RPTOR: variants seen among roughly 807,000 people sequenced by gnomAD.
RPTOR encodes regulatory associated protein of MTOR complex 1, also known as regulatory-associated protein of mTOR.
Under a neutral mutation model 169.9 loss-of-function variants are expected in RPTOR, and 21 were observed. That is an observed-to-expected ratio of 0.12 (90% CI 0.09 to 0.18). The LOEUF is 0.18. Ranked by LOEUF, RPTOR falls within the 10% of genes least tolerant of loss-of-function variation. The probability of loss-of-function intolerance (pLI) is 1.00; values close to 1 mark genes in which losing one functional copy is unlikely to be tolerated. For synonymous variants in RPTOR, 732 were observed against 753.2 expected, an observed-to-expected ratio of 0.97 and a Z score of 0.46; for missense variants, 1,133 against 1,855.9, an observed-to-expected ratio of 0.61 and a Z score of 7.16.
At chr17:80,594,183 T>C (rs2065127931) in intron 1 of RPTOR, among the ~76,000 whole-genome samples, 1 of 152,128 alleles carries the variant, frequency 6.6e-6, no homozygotes, top group Admixed American at 6.5e-5. Flanking sequence ...AACCTCTGCC[T>C]CCTGGGTTCA....
intron 25 of RPTOR, among the ~76,000 whole-genome samples, chr17:80,942,307 G>T (rs529934334): frequency 6.6e-6 from 1 of 151,316 alleles, no homozygotes; most frequent in Non-Finnish European, 1.5e-5. Flanking sequence ...AGATGAGCTG[G>T]CCCCTGATGG....
At chr17:80,579,958 T>TGCTTTGCTTCTGTATTTAGAAAG (rs1389434032) in intron 1 of RPTOR, among the ~76,000 whole-genome samples, 3 of 152,222 alleles carry the variant, frequency 2.0e-5, no homozygotes, top group Non-Finnish European at 4.4e-5. Context: ...TATCATGGGC[T>TGCTTTGCTTCTGTATTTAGAAAG]GCTTTGCTTC....
chr17:80,825,285 C>T (rs1458773240), intron 9 of RPTOR, among the ~76,000 whole-genome samples: 1 of 151,828 alleles, frequency 6.6e-6, no homozygotes, highest in Non-Finnish European at 1.5e-5. Flanking sequence ...CATCCCACCT[C>T]TCCCTCCAGA....
chr17:80,772,920 A>G (rs1598294987), intron 6 of RPTOR, among the ~76,000 whole-genome samples: 1 of 152,312 alleles, frequency 6.6e-6, no homozygotes, highest in African/African-American at 2.4e-5. Context: ...GGGCAGAGCC[A>G]GGGCTACGAT....
intron 5 of RPTOR, among the ~76,000 whole-genome samples, chr17:80,743,708 C>T (rs2066509777): frequency 9.2e-6 from 1 of 108,528 alleles, no homozygotes; most frequent in African/African-American, 2.7e-5. Flanking sequence ...TGGCTACTAG[C>T]ACTGTCCTGG....
chr17:80,892,878 C>T lies in RPTOR; in HGVS notation c.2242+9C>T, dbSNP rs757536306. 1.4e-5 allele frequency: 22 copies of T among 1,612,792 alleles called. No homozygotes were observed. The highest frequency in any genetic ancestry group is 1.3e-4 in the Admixed American group (8 of 59,892). On this transcript the variant is annotated intron_variant, in intron 19 of 33. Coordinates refer to ENST00000306801, the MANE Select transcript of RPTOR (RefSeq NM_020761.3). ...GAGTTTGACAGAGGAATGTAAGATC[C>T]TGGAAATCGGGTTATTGGATTGGGA... is the stretch of plus-strand genomic sequence containing the variant.
At chr17:80,898,024 T>C (rs563946107) in intron 20 of RPTOR, among the ~76,000 whole-genome samples, 129 of 152,312 alleles carry the variant, frequency 8.5e-4, no homozygotes, top group African/African-American at 2.9e-3. Context: ...ACAAAGATGA[T>C]GTGTTCTTTC....
chr17:80,752,514 G>C (rs544730646), intron 5 of RPTOR, among the ~76,000 whole-genome samples: 114 of 152,336 alleles, frequency 7.5e-4, no homozygotes, highest in African/African-American at 2.7e-3. Flanking sequence ...AATCCCTCAT[G>C]TGTTATACTT....
chr17:80,886,273 T>A (rs1278890261), intron 17 of RPTOR, among the ~76,000 whole-genome samples: 1 of 152,216 alleles, frequency 6.6e-6, no homozygotes, highest in South Asian at 2.1e-4. Flanking sequence ...GTGTGGAAAG[T>A]CACGTTCTAT....
chr17:80,795,905 G>A (rs1482299238), intron 7 of RPTOR, among the ~76,000 whole-genome samples: 3 of 152,202 alleles, frequency 2.0e-5, no homozygotes, highest in Non-Finnish European at 2.9e-5. Context: ...ACTTCCCAGA[G>A]CTGCAGCTTG....
intron 17 of RPTOR, among the ~76,000 whole-genome samples, chr17:80,891,187 T>C (rs2068318197): frequency 6.6e-6 from 1 of 152,246 alleles, no homozygotes; most frequent in African/African-American, 2.4e-5. Flanking sequence ...GATGTTTTAG[T>C]TCTACAACTT....
At chr17:80,650,770 C>T (rs538595361) in intron 3 of RPTOR, among the ~76,000 whole-genome samples, 1 of 152,224 alleles carries the variant, frequency 6.6e-6, no homozygotes, top group East Asian at 1.9e-4. Flanking sequence ...TGGTGGAGGC[C>T]CCTCCCAGAA....
intron 2 of RPTOR, among the ~76,000 whole-genome samples, chr17:80,634,502 GCA>G (rs2065478492): frequency 7.1e-6 from 1 of 140,994 alleles, no homozygotes; most frequent in African/African-American, 2.7e-5. Context: ...CTGTGTGTGT[GCA>G]TACTGTGTGT....
intron 3 of RPTOR, among the ~76,000 whole-genome samples, chr17:80,681,238 A>G (rs2065895508): frequency 6.6e-6 from 1 of 152,152 alleles, no homozygotes. Context: ...TTTTTTATTC[A>G]GATCGATAAC....
intron 6 of RPTOR, among the ~76,000 whole-genome samples, chr17:80,790,338 A>G (rs554617171): frequency 7.2e-5 from 11 of 152,314 alleles, no homozygotes; most frequent in African/African-American, 2.6e-4. Flanking sequence ...TGAGCCAGGT[A>G]TCACTTCTTG....
Position 80,947,640 on chromosome 17 carries a change from A to G in RPTOR, c.3265+289A>G, listed in dbSNP as rs1301886672. On this transcript the variant is annotated intron_variant, in intron 27 of 33. Transcript: ENST00000306801. The surrounding 1 kb of genome is among the most constrained non-coding windows in gnomAD (Gnocchi z 4.4). Reference sequence around the variant, plus strand: ...AAGCCTCTGACAGCCTCTGTCCTTAAACCCCTGTGAGAGACCCGGTGGGTC... The same window carrying G: ...AAGCCTCTGACAGCCTCTGTCCTTAGACCCCTGTGAGAGACCCGGTGGGTC... 6.6e-6 allele frequency among the ~76,000 whole-genome samples: 1 copy of G among 152,064 alleles called. No individual in the cohort carries two copies. Among genetic ancestry groups the G allele is most frequent in the Non-Finnish European group, 1.5e-5 (1 of 68,006 alleles).
chr17:80,929,964 G>C (rs997143302), intron 24 of RPTOR, among the ~76,000 whole-genome samples: 1 of 151,932 alleles, frequency 6.6e-6, no homozygotes, highest in Admixed American at 6.6e-5. Context: ...AAGTCCCCTC[G>C]TGCCACCCTC....
chr17:80,684,404 GTTTATTTA>G (rs55921146), intron 3 of RPTOR, among the ~76,000 whole-genome samples: 51,548 of 136,296 alleles, frequency 0.38, 10,487 homozygotes, highest in East Asian at 0.55. Flanking sequence ...GGAGATACAT[GTTTATTTA>G]TTTATTTATT....
chr17:80,805,180 C>T (rs2067206150), intron 7 of RPTOR: 1 of 152,220 alleles, frequency 6.6e-6, no homozygotes, highest in African/African-American at 2.4e-5. Context: ...TCAGGACAGT[C>T]GGGGGAAGGT....
Sources: gnomAD v4.1 joint callset for allele counts (sites outside exome capture counted in the v4.1 genomes callset) on GRCh38, gnomAD v4.1.1 for gene constraint, Gnocchi (gnomAD v3.1) non-coding constraint, MANE v1.5 for transcripts, NCBI Gene and HGNC (gene_info 2026-07-23, HGNC 2026-07-21) for gene names.